The following ZNF594 variants were observed in gnomAD, a reference collection of about 807,000 sequenced individuals.
ZNF594 encodes zinc finger protein HZF18.
For missense variants in ZNF594, 1,037 were observed against 964.6 expected (o/e 1.08, Z -0.99); for synonymous variants, 336 against 309.4 (o/e 1.09, Z -0.90).
rs369867537 is a variant in ZNF594 at position 5,183,582 on chromosome 17, G to A, written c.675C>T (p.Asn225=). ...ECGKAFKGSS[N]LVLHQRIHSR... ...TGTGGATTCTCTGGTGCAGGACAAG[G>A]TTTGAGCTTCCCTTAAAAGCCTTCC... Residue 225 remains asparagine (N), a synonymous_variant, in exon 2 of 2, where the codon AAC becomes AAT. Coordinates refer to ENST00000575779, the MANE Select transcript of ZNF594 (RefSeq NM_032530.2). 37 of 1,613,950 alleles carry A rather than the reference G, an allele frequency of 2.3e-5. No homozygotes were observed. The African/African-American group carries it at 4.8e-4, about 21-fold the overall frequency.
rs770766631 is a variant in ZNF594, at chr17:5,183,495, A to G, written c.762T>C (p.Leu254=). 2.5e-6 allele frequency: 4 copies of G among 1,614,170 alleles called. No individual in the cohort carries two copies. In the Admixed American group the frequency reaches 5.0e-5, roughly 20 times the overall value. ...CAGTGTGAATTCTGTGATGTATAAT[A>G]AGATCTGTGCTTTGACTGAAAGCCT... ...CGKAFSQSTD[L]IIHHRIHTGE... is the part of the protein sequence containing the mutation. The change falls in exon 2 of 2, where the codon CTT becomes CTC. Residue 254 remains leucine, a synonymous_variant. Transcript: ENST00000575779.
In ZNF594 at chr17:5,182,563, G is replaced by A. The variant is rs780376390; in HGVS notation, c.1694C>T (p.Ala565Val). ...LRGEQKIHQE[A>V]KAYWCNQCGR... ...ACACTGATTACACCAATAAGCTTTC[G>A]CTTCCTGGTGAATTTTCTGCTCTCC... Residue 565 changes from alanine (A) to valine (V), a missense_variant, in exon 2 of 2, where the codon GCG (alanine) becomes GTG (valine). Ala to Val is a moderately conservative substitution (Grantham distance 64). Transcript: ENST00000575779. 21 of 1,612,104 alleles carry A rather than the reference G, an allele frequency of 1.3e-5. No homozygotes were observed. The highest frequency in any genetic ancestry group is 7.7e-5 in the South Asian group (7 of 90,994).
intron 1 of ZNF594, among the ~76,000 whole-genome samples, chr17:5,185,754 C>T (rs2074382153): frequency 6.6e-6 from 1 of 152,196 alleles, no homozygotes; most frequent in South Asian, 2.1e-4. Context: ...GTAAATACAG[C>T]TGTTCCAAAT....
chr17:5,183,570 G>A lies in ZNF594; in HGVS notation c.687C>T (p.His229=), dbSNP rs199966875. The stretch of plus-strand genomic sequence containing the variant: ...GCTTCCCCCTACTGTGGATTCTCTG[G>A]TGCAGGACAAGGTTTGAGCTTCCCT... ...AFKGSSNLVL[H]QRIHSRGKPY... Residue 229 remains histidine, a synonymous_variant, in exon 2 of 2, where the codon CAC becomes CAT. Coordinates refer to ENST00000575779, the MANE Select transcript of ZNF594 (RefSeq NM_032530.2). The A allele has an allele frequency of 1.1e-4, 172 of 1,614,002 alleles. No individual in the cohort carries two copies. In the Middle Eastern group the frequency reaches 2.0e-3, roughly 19 times the overall value.
downstream of ZNF594, among the ~76,000 whole-genome samples, chr17:5,176,607 C>G (rs1309576362): frequency 2.7e-5 from 4 of 150,940 alleles, no homozygotes; most frequent in African/African-American, 9.7e-5. Flanking sequence ...GACACACAAG[C>G]CTGGCATGGC....
chr17:5,179,061 C>T (rs2074322099), downstream of ZNF594, among the ~76,000 whole-genome samples: 1 of 151,430 alleles, frequency 6.6e-6, no homozygotes, highest in Non-Finnish European at 1.5e-5. Context: ...CCTCAAGGAC[C>T]CAGAAGGCAG....
At chr17:5,178,327 T>G (rs1420732138), downstream of ZNF594, among the ~76,000 whole-genome samples, 1 of 152,074 alleles carries the variant, frequency 6.6e-6, no homozygotes, top group Admixed American at 6.5e-5. Context: ...GAGAAAAACA[T>G]ATGATTATTT....
chr17:5,183,412 A>T lies in ZNF594; in HGVS notation c.845T>A (p.Leu282His). 6.2e-7 allele frequency: 1 copy of T among 1,613,830 alleles called. No individual in the cohort carries two copies. The highest frequency in any genetic ancestry group is 8.5e-7 in the Non-Finnish European group (1 of 1,180,026). ...CGQMFSQSSH[L>H]VPHQRIHTGE... The stretch of plus-strand genomic sequence containing the variant: ...AGTGTGAATTCTCTGATGTGGGACA[A>T]GGTGTGAACTTTGACTGAACATCTG... The change falls in exon 2 of 2, where the codon CTT (leucine) becomes CAT (histidine). Residue 282 changes from leucine (L) to histidine (H), a missense_variant. Physicochemically the swap from Leu to His is moderately conservative, Grantham distance 99. Transcript: ENST00000575779.
Position 5,182,817 on chromosome 17 carries a change from T to G in ZNF594, c.1440A>C (p.Lys480Asn). 2 of 1,614,108 alleles carry G rather than the reference T, an allele frequency of 1.2e-6. No individual in the cohort carries two copies. Among genetic ancestry groups the G allele is most frequent in the Non-Finnish European group, 1.7e-6 (2 of 1,180,024 alleles). ...SQRSHLVTHQKIHTGEKPYQC... is the reference protein window; with the variant it reads ...SQRSHLVTHQNIHTGEKPYQC... The stretch of plus-strand genomic sequence containing the variant: ...GATAGGGCTTCTCTCCAGTATGGAT[T>G]TTCTGGTGTGTAACAAGGTGTGACC... The change falls in exon 2 of 2, where the codon AAA becomes AAC. Residue 480 changes from lysine (K) to asparagine (N), a missense_variant. Transcript: ENST00000575779.
chr17:5,184,990 G>C lies in ZNF594; in HGVS notation c.-20-714C>G, dbSNP rs376620555. Among the ~76,000 whole-genome samples, 35 of 152,300 alleles carry C rather than the reference G, an allele frequency of 2.3e-4. 1 individual carries two copies. Among genetic ancestry groups the C allele is most frequent in the African/African-American group, 6.7e-4 (28 of 41,564 alleles). On this transcript the variant is annotated intron_variant, in intron 1 of 1. Coordinates refer to ENST00000575779, the MANE Select transcript of ZNF594 (RefSeq NM_032530.2). Reference sequence around the variant, plus strand: ...CTGTACTATGCCTCAGAATAAAAACGTTTGGCTGTCATTTCAATAGAAATC... The same window carrying C: ...CTGTACTATGCCTCAGAATAAAAACCTTTGGCTGTCATTTCAATAGAAATC...
At chr17:5,188,017 G>A (rs1598136875) in intron 1 of ZNF594, among the ~76,000 whole-genome samples, 2 of 151,638 alleles carry the variant, frequency 1.3e-5, no homozygotes, top group African/African-American at 2.4e-5. Flanking sequence ...ACTGCACCTG[G>A]CCTTGGATTT....
At chr17:5,189,769 C>T (rs2074409733) in intron 1 of ZNF594, among the ~76,000 whole-genome samples, 1 of 152,114 alleles carries the variant, frequency 6.6e-6, no homozygotes, top group African/African-American at 2.4e-5. Context: ...AGGGATTCTT[C>T]AGCCTCCCAA....
rs1295988683 is a variant in ZNF594, at chr17:5,184,061, T to C, written c.196A>G (p.Ile66Val). Residue 66 changes from isoleucine to valine, a missense_variant, in exon 2 of 2, where the codon ATC becomes GTC. Ile to Val is a conservative substitution (Grantham distance 29). Coordinates refer to ENST00000575779, the MANE Select transcript of ZNF594 (RefSeq NM_032530.2). Reference sequence around the variant, plus strand: ...TGGGGGATAATATGCATTTCCCTGATACCGCTCTCTTGGGAAGGGAGATGT... The same window carrying C: ...TGGGGGATAATATGCATTTCCCTGACACCGCTCTCTTGGGAAGGGAGATGT... ...MRHLPSQESG[I>V]REMHIIPQKA... The C allele has an allele frequency of 6.2e-7, 1 of 1,614,162 alleles. No homozygotes were observed. Among genetic ancestry groups the C allele is most frequent in the South Asian group, 1.1e-5 (1 of 91,078 alleles).
downstream of ZNF594, among the ~76,000 whole-genome samples, chr17:5,177,197 TAA>T (rs79095133): frequency 3.6e-4 from 38 of 106,090 alleles, no homozygotes; most frequent in Non-Finnish European, 3.0e-4. Context: ...CTCTGTCTCA[TAA>T]AAAAAAAAAA....
rs1429017970 is a variant in ZNF594, at chr17:5,183,948, A to T, written c.309T>A (p.Val103=). The change falls in exon 2 of 2, where the codon GTT becomes GTA. Residue 103 remains valine, a synonymous_variant. Transcript: ENST00000575779. ...SAGESSHRYE[V]SGQNFKQKSG... ...ACTTCTGTTTGAAGTTTTGGCCACTAACCTCATATCTATGGGAGCTTTCTC... is the reference window on the plus strand; with the variant it reads ...ACTTCTGTTTGAAGTTTTGGCCACTTACCTCATATCTATGGGAGCTTTCTC... The T allele has an allele frequency of 1.2e-6, 2 of 1,614,004 alleles. No homozygotes were observed. Among genetic ancestry groups the T allele is most frequent in the Non-Finnish European group, 1.7e-6 (2 of 1,180,040 alleles).
chr17:5,188,334 G>T (rs2074400138), intron 1 of ZNF594, among the ~76,000 whole-genome samples: 1 of 145,744 alleles, frequency 6.9e-6, no homozygotes. Flanking sequence ...CTGAAGTCTT[G>T]AAAGCCAGAA....
chr17:5,182,536 C>T lies in ZNF594; in HGVS notation c.1721G>A (p.Gly574Asp), dbSNP rs1400427072. 4 of 1,613,996 alleles carry T rather than the reference C, an allele frequency of 2.5e-6. No homozygotes were observed. Among genetic ancestry groups the T allele is most frequent in the Non-Finnish European group, 3.4e-6 (4 of 1,179,996 alleles). ...EAKAYWCNQC[G>D]RAFQGSSDLI... is the part of the protein sequence containing the mutation. Reference sequence around the variant, plus strand: ...GTCTGAGCTGCCCTGGAAAGCCCTACCACACTGATTACACCAATAAGCTTT... The same window carrying T: ...GTCTGAGCTGCCCTGGAAAGCCCTATCACACTGATTACACCAATAAGCTTT... The change falls in exon 2 of 2, where the codon GGT becomes GAT. Residue 574 changes from glycine to aspartate, a missense_variant. Coordinates refer to ENST00000575779, the MANE Select transcript of ZNF594 (RefSeq NM_032530.2).
intron 1 of ZNF594, among the ~76,000 whole-genome samples, chr17:5,187,568 T>A (rs1032425401): frequency 2.0e-5 from 3 of 152,198 alleles, no homozygotes; most frequent in Non-Finnish European, 4.4e-5. Context: ...GCACAGTGAT[T>A]AACAGCATGG....
chr17:5,185,383 C>A (rs559597357), intron 1 of ZNF594, among the ~76,000 whole-genome samples: 9 of 152,314 alleles, frequency 5.9e-5, no homozygotes, highest in African/African-American at 2.2e-4. Flanking sequence ...GAGACTTATT[C>A]ACTACCATGA....
Sources: gnomAD v4.1 joint callset for allele counts (sites outside exome capture counted in the v4.1 genomes callset) on GRCh38, gnomAD v4.1.1 for gene constraint, MANE v1.5 for transcripts, NCBI Gene and HGNC (gene_info 2026-07-23, HGNC 2026-07-21) for gene names.